Variants in SPAST observed in about 807,000 individuals in gnomAD.
SPAST encodes the protein spastin, also known as spastic paraplegia 4 (autosomal dominant; spastin).
SPAST carries 30 observed loss-of-function variants against 76.6 expected under a neutral mutation model. The observed-to-expected ratio is 0.39, with a 90% CI of 0.29 to 0.53. The LOEUF is 0.53. Ranked by LOEUF, SPAST falls within the 20% of genes least tolerant of loss-of-function variation. SPAST has a pLI of 0.68. For synonymous variants in SPAST, 305 were observed against 281.0 expected (o/e 1.09, Z -0.86); for missense variants, 717 against 770.5 (o/e 0.93, Z 0.82).
intron 12 of SPAST, 79 bp from the exon 13 acceptor site, chr2:32,141,824 TA>T (rs1371487302): frequency 1.6e-5 from 18 of 1,127,002 alleles, no homozygotes; most frequent in Middle Eastern, 5.5e-4. Flanking sequence ...TATTATATTT[TA>T]AAAGCTTTTC....
chr2:32,077,399 T>C (rs892482063), intron 1 of SPAST, among the ~76,000 whole-genome samples: 1 of 152,174 alleles, frequency 6.6e-6, no homozygotes, highest in Non-Finnish European at 1.5e-5. Context: ...GGATTTAAGT[T>C]AATCAACAAA....
rs111460190 is a variant in SPAST at position 32,094,741 on chromosome 2, G to A, written c.587-4055G>A. ...TCCCAGCTCTTTGGGAGGCTGAGGT[G>A]GGTGGATCACCTGAGGTCAGGAGTT... On this transcript the variant is annotated intron_variant, in intron 3 of 16. Coordinates refer to ENST00000315285, the MANE Select transcript of SPAST (RefSeq NM_014946.4). Among the ~76,000 whole-genome samples the A allele has an allele frequency of 7.9e-5, 12 of 152,320 alleles. No individual in the cohort carries two copies. In the East Asian group the frequency reaches 2.1e-3, roughly 27 times the overall value.
At chr2:32,071,359 C>T (rs948238598) in intron 1 of SPAST, among the ~76,000 whole-genome samples, 1 of 152,176 alleles carries the variant, frequency 6.6e-6, no homozygotes, top group African/African-American at 2.4e-5. Flanking sequence ...GCATTGAAGA[C>T]AGAAATTGTC....
intron 4 of SPAST, among the ~76,000 whole-genome samples, chr2:32,112,796 A>G (rs1018357505): frequency 4.6e-5 from 7 of 152,130 alleles, no homozygotes; most frequent in African/African-American, 1.7e-4. Context: ...CTTAAACCGT[A>G]TTAAGAGATT....
intron 16 of SPAST, among the ~76,000 whole-genome samples, chr2:32,151,185 C>T (rs186419183): frequency 1.8e-4 from 28 of 152,190 alleles, no homozygotes; most frequent in Admixed American, 4.6e-4. Context: ...TCAGGAGATC[C>T]GCCCACCTCG....
chr2:32,097,856 G>T (rs987919466), intron 3 of SPAST, among the ~76,000 whole-genome samples: 7 of 151,952 alleles, frequency 4.6e-5, no homozygotes, highest in African/African-American at 1.7e-4. Flanking sequence ...ACCACGCCCG[G>T]ATACTTTTTT....
chr2:32,126,028 C>T (rs752045139), intron 7 of SPAST, among the ~76,000 whole-genome samples: 21 of 152,140 alleles, frequency 1.4e-4, no homozygotes, highest in Non-Finnish European at 3.1e-4. Flanking sequence ...ATCTCCTGAC[C>T]TCGTGATCCG....
At chr2:32,094,575 A>G (rs1677849513) in intron 3 of SPAST, among the ~76,000 whole-genome samples, 1 of 152,214 alleles carries the variant, frequency 6.6e-6, no homozygotes, top group Non-Finnish European at 1.5e-5. Context: ...GAAGTCAGAG[A>G]ACTCATGCGG....
intron 16 of SPAST, among the ~76,000 whole-genome samples, chr2:32,149,559 A>G (rs1347270351): frequency 2.0e-5 from 3 of 152,228 alleles, no homozygotes; most frequent in East Asian, 1.9e-4. Context: ...AGCCTTTTCT[A>G]TCCGTGGATT....
At chr2:32,090,618 G>A (rs896975784) in intron 3 of SPAST, among the ~76,000 whole-genome samples, 2 of 152,006 alleles carry the variant, frequency 1.3e-5, no homozygotes, top group African/African-American at 4.8e-5. Flanking sequence ...TTAATAATTT[G>A]TTTGTATCAG....
intron 1 of SPAST, among the ~76,000 whole-genome samples, chr2:32,084,311 C>T (rs996345206): frequency 1.3e-5 from 2 of 151,748 alleles, no homozygotes. Flanking sequence ...CAGGCGCCCG[C>T]CACCATGCCT....
At chr2:32,072,605 G>T (rs1179586377) in intron 1 of SPAST, among the ~76,000 whole-genome samples, 2 of 151,730 alleles carry the variant, frequency 1.3e-5, no homozygotes, top group African/African-American at 2.4e-5. Context: ...GTCAGTTGGG[G>T]GTCTTAGAGT....
At position 32,064,050 on chromosome 2, in the gene SPAST, C is replaced by T. The variant is rs746545317; in HGVS notation, c.219C>T (p.Leu73=). Reference sequence around the variant, plus strand: ...GTTTGGTCGCCTTCCACCTGGGGCTCCTCTTCGTGTGGCTCTGCCAGCGCT... The same window carrying T: ...GTTTGGTCGCCTTCCACCTGGGGCTTCTCTTCGTGTGGCTCTGCCAGCGCT... ...LLRLVAFHLG[L]LFVWLCQRFS... Residue 73 remains leucine (L), a synonymous_variant, in exon 1 of 17, where the codon CTC becomes CTT. Transcript: ENST00000315285. 10 of 1,613,194 alleles carry T rather than the reference C, an allele frequency of 6.2e-6. No homozygotes were observed. The highest frequency in any genetic ancestry group is 3.3e-5 in the South Asian group (3 of 91,016).
intron 4 of SPAST, among the ~76,000 whole-genome samples, chr2:32,104,099 A>T (rs1678226770): frequency 6.6e-6 from 1 of 152,136 alleles, no homozygotes; most frequent in African/African-American, 2.4e-5. Context: ...GTCTCTTTGT[A>T]GGTCTCTAGG....
chr2:32,114,896 T>A (rs1207760287), intron 5 of SPAST, 71 bp downstream of exon 5: 3 of 1,086,198 alleles, frequency 2.8e-6, no homozygotes, highest in Non-Finnish European at 4.3e-6. Flanking sequence ...CTATTCCTGC[T>A]TAAGTTGATC....
chr2:32,092,203 G>A (rs1677750971), intron 3 of SPAST, among the ~76,000 whole-genome samples: 1 of 152,166 alleles, frequency 6.6e-6, no homozygotes. Context: ...GAGTAACAAG[G>A]TAGTGTTCCC....
intron 7 of SPAST, among the ~76,000 whole-genome samples, chr2:32,120,317 C>G (rs544186628): frequency 2.0e-5 from 3 of 152,232 alleles, no homozygotes; most frequent in Admixed American, 1.3e-4. Context: ...CATCATACCA[C>G]ACACCTTCTA....
intron 3 of SPAST, among the ~76,000 whole-genome samples, chr2:32,091,006 A>C (rs2148711610): frequency 6.6e-6 from 1 of 152,168 alleles, no homozygotes; most frequent in South Asian, 2.1e-4. Context: ...ACTGTAATAG[A>C]AACTTTTACT....
At chr2:32,153,391 C>T (rs1019752586) in intron 16 of SPAST, among the ~76,000 whole-genome samples, 6 of 143,660 alleles carry the variant, frequency 4.2e-5, no homozygotes, top group East Asian at 2.1e-4. Flanking sequence ...GGCACGATCT[C>T]GGCTCACTTA....
Sources: gnomAD v4.1 joint callset for allele counts (sites outside exome capture counted in the v4.1 genomes callset) on GRCh38, gnomAD v4.1.1 for gene constraint, MANE v1.5 for transcripts, NCBI Gene and HGNC (gene_info 2026-07-23, HGNC 2026-07-21) for gene names.